The following SDHAF3 variants were observed in gnomAD, a reference collection of about 807,000 sequenced individuals.
The protein encoded by SDHAF3 is succinate dehydrogenase assembly factor 3, mitochondrial.
In SDHAF3, 18 loss-of-function variants were observed where a neutral mutation model predicts 11.5. The ratio of observed to expected loss-of-function variants is 1.56; its 90% confidence interval spans 1.08 to 2.32. The LOEUF (loss-of-function observed/expected upper bound fraction) is 2.32. Among genes scored for constraint, SDHAF3 ranks in the 30% most tolerant of loss-of-function variants. The pLI, the probability that SDHAF3 is intolerant of heterozygous loss-of-function variation, is 0.00. For synonymous variants in SDHAF3, 72 were observed against 59.3 expected (o/e 1.21, Z -0.99); for missense variants, 200 against 154.4 (o/e 1.30, Z -1.57).
At chr7:97,167,141 C>T (rs1789518874) in intron 1 of SDHAF3, among the ~76,000 whole-genome samples, 1 of 151,982 alleles carries the variant, frequency 6.6e-6, no homozygotes, top group South Asian at 2.1e-4. Flanking sequence ...TGTGTGTCCC[C>T]ACCCAAATCT....
chr7:97,135,181 GGCT>G (rs1791732407), intron 1 of SDHAF3: 1 of 151,782 alleles, frequency 6.6e-6, no homozygotes, highest in South Asian at 2.1e-4. Flanking sequence ...ATTATTGTAA[GGCT>G]GCTTTTTGTT....
chr7:97,145,787 C>G (rs1488661570), intron 1 of SDHAF3, among the ~76,000 whole-genome samples: 1 of 152,088 alleles, frequency 6.6e-6, no homozygotes, highest in Non-Finnish European at 1.5e-5. Context: ...TTATTTCATT[C>G]AATAAACATT....
At chr7:97,160,020 G>A (rs1397595425) in intron 1 of SDHAF3, among the ~76,000 whole-genome samples, 2 of 152,206 alleles carry the variant, frequency 1.3e-5, no homozygotes, top group Admixed American at 6.5e-5. Context: ...TTAACAATAG[G>A]CCAATGGCCA....
intron 1 of SDHAF3, among the ~76,000 whole-genome samples, chr7:97,173,873 C>T (rs1789641853): frequency 6.6e-6 from 1 of 151,342 alleles, no homozygotes; most frequent in Non-Finnish European, 1.5e-5. Context: ...TAATACCAAA[C>T]ATCCAGTCAG....
At chr7:97,121,866 T>G (rs1427870083) in intron 1 of SDHAF3, among the ~76,000 whole-genome samples, 13 of 136,882 alleles carry the variant, frequency 9.5e-5, no homozygotes, top group South Asian at 2.2e-4. Context: ...TTTTTTTTTT[T>G]TTGTTTTTGA....
intron 1 of SDHAF3, among the ~76,000 whole-genome samples, chr7:97,170,302 G>A (rs1789586485): frequency 1.3e-5 from 2 of 151,874 alleles, no homozygotes; most frequent in African/African-American, 2.4e-5. Context: ...ATAAATTAAA[G>A]GTTATATATA....
intron 1 of SDHAF3, among the ~76,000 whole-genome samples, chr7:97,134,041 A>G (rs1791709688): frequency 6.6e-6 from 1 of 152,250 alleles, no homozygotes; most frequent in African/African-American, 2.4e-5. Flanking sequence ...AGTTTGTTTA[A>G]GAACTATCCC....
chr7:97,156,439 C>T (rs1789302093), intron 1 of SDHAF3, among the ~76,000 whole-genome samples: 1 of 152,140 alleles, frequency 6.6e-6, no homozygotes, highest in Non-Finnish European at 1.5e-5. Context: ...AAGTATTCTC[C>T]ACTGTTATCT....
intron 1 of SDHAF3, among the ~76,000 whole-genome samples, chr7:97,138,383 G>A (rs902898485): frequency 3.9e-5 from 6 of 152,040 alleles, no homozygotes; most frequent in South Asian, 2.1e-4. Context: ...GGCTGGTTTC[G>A]AACTCCTCAC....
intron 1 of SDHAF3, among the ~76,000 whole-genome samples, chr7:97,132,526 A>T (rs1451906311): frequency 6.6e-6 from 1 of 152,200 alleles, no homozygotes; most frequent in Non-Finnish European, 1.5e-5. Flanking sequence ...CAATGTGAAT[A>T]ATCTTATGTT....
intron 1 of SDHAF3, among the ~76,000 whole-genome samples, chr7:97,172,221 T>G (rs571852575): frequency 6.6e-6 from 1 of 152,204 alleles, no homozygotes; most frequent in African/African-American, 2.4e-5. Context: ...ATTATTTTAC[T>G]TGGGAAGCTT....
chr7:97,131,937 A>G (rs1202266199), intron 1 of SDHAF3, among the ~76,000 whole-genome samples: 1 of 152,212 alleles, frequency 6.6e-6, no homozygotes, highest in Non-Finnish European at 1.5e-5. Flanking sequence ...TGCAGTTATT[A>G]GAAATGGTGT....
intron 1 of SDHAF3, among the ~76,000 whole-genome samples, chr7:97,132,895 T>C (rs552567422): frequency 7.9e-5 from 12 of 152,320 alleles, no homozygotes; most frequent in Non-Finnish European, 1.2e-4. Context: ...TTTACCAACA[T>C]AACCAGAAAT....
At chr7:97,118,197 C>T (rs1791438456) in intron 1 of SDHAF3, among the ~76,000 whole-genome samples, 2 of 152,164 alleles carry the variant, frequency 1.3e-5, no homozygotes, top group African/African-American at 4.8e-5. Context: ...TGCTCAAAAA[C>T]CTCAGGAGCT....
intron 1 of SDHAF3, chr7:97,135,504 G>T: frequency 6.5e-6 from 1 of 153,810 alleles, no homozygotes. Context: ...TACAAAGAAG[G>T]GAAAGTAGAT....
intron 1 of SDHAF3, among the ~76,000 whole-genome samples, chr7:97,125,481 G>A (rs1791561092): frequency 6.6e-6 from 1 of 151,984 alleles, no homozygotes; most frequent in Admixed American, 6.6e-5. Context: ...ATCAATCGTA[G>A]GCTTGGTCTT....
At chr7:97,164,105 T>G (rs923055565) in intron 1 of SDHAF3, among the ~76,000 whole-genome samples, 6 of 151,956 alleles carry the variant, frequency 3.9e-5, no homozygotes, top group Non-Finnish European at 8.8e-5. Flanking sequence ...CCACCATGCC[T>G]GGCTGTTTTT....
intron 1 of SDHAF3, chr7:97,142,905 T>C (rs2115671505): frequency 6.8e-6 from 1 of 147,684 alleles, no homozygotes; most frequent in African/African-American, 2.5e-5. Context: ...TTTTTTTTTT[T>C]TTTTTTTTTT....
chr7:97,167,044 ATTTT>A (rs71131005), intron 1 of SDHAF3, among the ~76,000 whole-genome samples: 209 of 147,744 alleles, frequency 1.4e-3, no homozygotes, highest in African/African-American at 5.0e-3. Flanking sequence ...ACTTTCAGTG[ATTTT>A]TTTTTTTTTC....
Sources: gnomAD v4.1 joint callset for allele counts (sites outside exome capture counted in the v4.1 genomes callset) on GRCh38, gnomAD v4.1.1 for gene constraint, MANE v1.5 for transcripts, NCBI Gene and HGNC (gene_info 2026-07-23, HGNC 2026-07-21) for gene names.